The following CPEB1 variants were observed in gnomAD, a reference collection of about 807,000 sequenced individuals.
CPEB1 encodes cytoplasmic polyadenylation element-binding protein 1.
A neutral mutation model predicts 65.8 loss-of-function variants in CPEB1; 7 were observed. The ratio of observed to expected loss-of-function variants is 0.11; its 90% CI spans 0.06 to 0.20. The LOEUF is 0.20. Ranked by LOEUF, CPEB1 falls within the 10% of genes least tolerant of loss-of-function variation. The pLI is 1.00. For synonymous variants in CPEB1, 262 were observed against 260.0 expected, an observed-to-expected ratio of 1.01 and a Z score of -0.08; for missense variants, 551 against 712.2, an observed-to-expected ratio of 0.77 and a Z score of 2.58.
chr15:82,643,654 T>C (rs1420623293), intron 1 of CPEB1, among the ~76,000 whole-genome samples: 1 of 114,798 alleles, frequency 8.7e-6, no homozygotes, highest in African/African-American at 2.7e-5. Flanking sequence ...AAATGAAATA[T>C]AGGAAAAAAA....
rs1331951852 is a variant in CPEB1, at chr15:82,573,157, TC to T, written c.272-1626del. The T allele has an allele frequency of 2.0e-6, 3 of 1,534,944 alleles. No homozygotes were observed. In the Admixed American group the frequency reaches 5.9e-5, roughly 30 times the overall value. ...GCCACAGAAATAGCTGTTCAGAACT[TC>T]CTGCAGTACACCCTGTGTCCACAGG... is the stretch of plus-strand genomic sequence containing the variant. On this transcript the variant is annotated intron_variant, in intron 3 of 12. Coordinates refer to ENST00000684509, the MANE Select transcript of CPEB1 (RefSeq NM_001365242.1).
chr15:82,642,272 G>A (rs1393669307), intron 1 of CPEB1, among the ~76,000 whole-genome samples: 1 of 152,234 alleles, frequency 6.6e-6, no homozygotes, highest in East Asian at 1.9e-4. Flanking sequence ...AAAGCTTTAA[G>A]AGCCTGCATG....
intron 4 of CPEB1, among the ~76,000 whole-genome samples, chr15:82,559,708 A>C (rs890203913): frequency 6.6e-6 from 1 of 152,236 alleles, no homozygotes. Context: ...TCAAAGCTCT[A>C]AAATTTAACT....
chr15:82,628,591 A>G, intron 1 of CPEB1, 35 bp from the exon 2 acceptor site: 1 of 603,988 alleles, frequency 1.7e-6, no homozygotes, highest in Non-Finnish European at 2.9e-6. Context: ...TTGGTACCAC[A>G]TAGAAACATT....
chr15:82,559,007 G>C (rs1159994687), intron 4 of CPEB1, among the ~76,000 whole-genome samples: 1 of 151,650 alleles, frequency 6.6e-6, no homozygotes, highest in Non-Finnish European at 1.5e-5. Context: ...AATGGCTGAG[G>C]TAAAACCAAA....
At chr15:82,584,948 A>G (rs2041661653) in intron 3 of CPEB1, among the ~76,000 whole-genome samples, 1 of 126,656 alleles carries the variant, frequency 7.9e-6, no homozygotes, top group African/African-American at 3.4e-5. Context: ...TAACAAGAAA[A>G]AAAATGCAAG....
intron 3 of CPEB1, among the ~76,000 whole-genome samples, chr15:82,587,076 G>GA (rs1301036479): frequency 2.6e-5 from 4 of 152,010 alleles, no homozygotes; most frequent in South Asian, 2.1e-4. Flanking sequence ...AAGACTAACA[G>GA]AAAAAATAAC....
At chr15:82,588,124 T>C (rs1469734236) in intron 3 of CPEB1, among the ~76,000 whole-genome samples, 1 of 152,042 alleles carries the variant, frequency 6.6e-6, no homozygotes, top group Non-Finnish European at 1.5e-5. Flanking sequence ...TTGTATTTTT[T>C]TTTTGTAGAA....
intron 4 of CPEB1, among the ~76,000 whole-genome samples, chr15:82,559,044 G>A (rs764721760): frequency 3.3e-5 from 5 of 151,810 alleles, no homozygotes; most frequent in Admixed American, 6.6e-5. Flanking sequence ...CTGAATAACT[G>A]GCTGTGATTG....
chr15:82,549,589 T>C lies in CPEB1; in HGVS notation c.1351A>G (p.Ser451Gly). 3 of 1,614,184 alleles carry C rather than the reference T, an allele frequency of 1.9e-6. No individual in the cohort carries two copies. Among genetic ancestry groups the C allele is most frequent in the Non-Finnish European group, 2.5e-6 (3 of 1,180,042 alleles). ...VRSPSQRLDPSRTVFVGALHG... is the reference protein window; with the variant it reads ...VRSPSQRLDPGRTVFVGALHG... ...AGAGCACCGACAAACACCGTCCTGCTGGGGTCAAGCCTCTGAGATGGGCTC... is the reference window on the plus strand; with the variant it reads ...AGAGCACCGACAAACACCGTCCTGCCGGGGTCAAGCCTCTGAGATGGGCTC... Residue 451 changes from serine (S) to glycine (G), a missense_variant, in exon 10 of 13, where the codon AGC becomes GGC. By Grantham distance (56) the Ser-to-Gly change is moderately conservative (BLOSUM62 0). This residue lies in a region of CPEB1 where 99 missense variants were observed against 161.3 expected (regional missense o/e 0.61). Coordinates refer to ENST00000684509, the MANE Select transcript of CPEB1 (RefSeq NM_001365242.1).
At chr15:82,579,009 G>A (rs544184589) in intron 3 of CPEB1, among the ~76,000 whole-genome samples, 1 of 152,138 alleles carries the variant, frequency 6.6e-6, no homozygotes, top group Non-Finnish European at 1.5e-5. Flanking sequence ...CTTTAGTAGA[G>A]ACAGGGTTTC....
chr15:82,545,713 G>C (rs2035061404), intron 12 of CPEB1, among the ~76,000 whole-genome samples: 1 of 152,174 alleles, frequency 6.6e-6, no homozygotes, highest in South Asian at 2.1e-4. Context: ...GCTGACACCT[G>C]TGGGTACAGC....
intron 3 of CPEB1, among the ~76,000 whole-genome samples, chr15:82,586,158 G>GT (rs145614508): frequency 0.022 from 3,380 of 151,032 alleles, 127 homozygotes; most frequent in African/African-American, 0.077. Flanking sequence ...ATTTCCTTGG[G>GT]TAAGTATGCC....
At chr15:82,601,803 C>T (rs1419900905) in intron 3 of CPEB1, among the ~76,000 whole-genome samples, 1 of 86,736 alleles carries the variant, frequency 1.2e-5, no homozygotes, top group Non-Finnish European at 2.8e-5. Flanking sequence ...ATCGAGAGAT[C>T]AATCTACAAA....
intron 3 of CPEB1, among the ~76,000 whole-genome samples, chr15:82,595,115 A>G (rs1471532185): frequency 6.6e-6 from 1 of 152,238 alleles, no homozygotes; most frequent in Non-Finnish European, 1.5e-5. Context: ...GGATTACCAC[A>G]AACCTTCAAT....
chr15:82,573,360 C>T, intron 3 of CPEB1: 1 of 558,548 alleles, frequency 1.8e-6, no homozygotes, highest in East Asian at 3.1e-5. Context: ...AAAGGCCTAG[C>T]AAAAATCACC....
chr15:82,643,403 G>A (rs889251565), intron 1 of CPEB1, among the ~76,000 whole-genome samples: 1 of 152,022 alleles, frequency 6.6e-6, no homozygotes, highest in Non-Finnish European at 1.5e-5. Flanking sequence ...AGGCTGAGGC[G>A]GACAGATCAC....
intron 3 of CPEB1, among the ~76,000 whole-genome samples, chr15:82,613,798 C>T (rs2044410022): frequency 1.4e-5 from 2 of 145,084 alleles, no homozygotes; most frequent in African/African-American, 5.2e-5. Context: ...AGACTGGAAA[C>T]AAGCTCCCCC....
intron 3 of CPEB1, among the ~76,000 whole-genome samples, chr15:82,592,902 C>T (rs1436628342): frequency 2.0e-5 from 3 of 151,604 alleles, no homozygotes; most frequent in African/African-American, 7.3e-5. Flanking sequence ...GAGGCTGAGG[C>T]AGGAGAATCA....
Sources: allele counts gnomAD v4.1 joint callset (sites outside exome capture counted in the v4.1 genomes callset), GRCh38; gene constraint gnomAD v4.1.1; regional missense constraint gnomAD v4.1.1; transcripts MANE v1.5; gene names NCBI Gene and HGNC (gene_info 2026-07-23, HGNC 2026-07-21).